EVPLL: variants seen among roughly 807,000 people sequenced by gnomAD.
The protein encoded by EVPLL is envoplakin like, also known as envoplakin-like protein.
EVPLL carries 39 observed loss-of-function variants against 46.2 expected under a neutral mutation model. That is an observed-to-expected ratio of 0.84 (90% confidence interval 0.65 to 1.10). EVPLL has a LOEUF of 1.10. Ranked by LOEUF, EVPLL falls within the 50% of genes least tolerant of loss-of-function variation. The pLI is 0.00. For synonymous variants in EVPLL, 156 were observed against 165.8 expected (o/e 0.94, Z 0.46); for missense variants, 385 against 412.6 (o/e 0.93, Z 0.58).
At chr17:18,378,068 C>T (rs1387767630) in intron 1 of EVPLL, 85 bp downstream of exon 1, 2 of 441,862 alleles carry the variant, frequency 4.5e-6, no homozygotes, top group African/African-American at 2.1e-5. Context: ...TGGCGGCGGC[C>T]CAGAGCCCAG....
At chr17:18,386,605 G>A (rs542966155) in intron 9 of EVPLL, 4 of 152,060 alleles carry the variant, frequency 2.6e-5, no homozygotes, top group African/African-American at 9.7e-5. Context: ...TTCTTATAAC[G>A]GTGGACACAA....
Position 18,381,387 on chromosome 17 carries a change from G to A in EVPLL, c.84G>A (p.Gln28=). 4 of 1,581,618 alleles carry A rather than the reference G, an allele frequency of 2.5e-6. No homozygotes were observed. The highest frequency in any genetic ancestry group is 3.4e-6 in the Non-Finnish European group (4 of 1,164,976). ...RLQQDRLNSE[Q]SQALQHQQET... is the part of the protein sequence containing the mutation. The stretch of plus-strand genomic sequence containing the variant: ...CACAGGACCGGCTGAACAGTGAGCA[G>A]AGCCAGGCCCTGCAGCACCAGCAGG... The change falls in exon 3 of 11, where the codon CAG becomes CAA. Residue 28 remains glutamine, a synonymous_variant. Coordinates refer to ENST00000399134, the MANE Select transcript of EVPLL (RefSeq NM_001145127.2). This position sits in a 1 kb window ranked among gnomAD's most constrained non-coding sequence, Gnocchi z 4.2.
At chr17:18,378,031 G>A in intron 1 of EVPLL, 48 bp downstream of exon 1, 1 of 573,284 alleles carries the variant, frequency 1.7e-6, no homozygotes, top group Non-Finnish European at 2.8e-6. Context: ...GGTGGGGGTG[G>A]TGCCAGGCCC....
At chr17:18,380,628 G>A in intron 1 of EVPLL, 1 of 321,226 alleles carries the variant, frequency 3.1e-6, no homozygotes, top group South Asian at 6.7e-5. Flanking sequence ...TGCCAGCACA[G>A]CTGGCTGAGG....
At chr17:18,385,189 A>G (rs1420952735) in intron 9 of EVPLL, among the ~76,000 whole-genome samples, 1 of 139,890 alleles carries the variant, frequency 7.1e-6, no homozygotes, top group African/African-American at 2.7e-5. Flanking sequence ...GCAGCCCCTG[A>G]GAGTCCTTCC....
At position 18,383,252 on chromosome 17, in the gene EVPLL, C is replaced by G. The variant is rs1171600073; in HGVS notation, c.673-19C>G. The G allele has an allele frequency of 1.9e-5, 29 of 1,564,796 alleles. No individual in the cohort carries two copies. The highest frequency in any genetic ancestry group is 2.4e-5 in the Non-Finnish European group (28 of 1,157,998). On this transcript the variant is annotated intron_variant, in intron 7 of 10. Transcript: ENST00000399134. Reference sequence around the variant, plus strand: ...CCATCCTGGTCCTCACCGCCGCTCCCCACCCGACTCGCCCCCAGCACTTCA... The same window carrying G: ...CCATCCTGGTCCTCACCGCCGCTCCGCACCCGACTCGCCCCCAGCACTTCA...
chr17:18,384,190 G>A lies in EVPLL; in HGVS notation c.876+603G>A, dbSNP rs559589464. Among the ~76,000 whole-genome samples, 17 of 152,256 alleles carry A rather than the reference G, an allele frequency of 1.1e-4. 1 individual carries two copies. The South Asian group carries it at 3.5e-3, about 32-fold the overall frequency. The stretch of plus-strand genomic sequence containing the variant: ...TGGTATAAATATTTCATGGGGGCCA[G>A]GTGTGGTGGCTCACACCTGTAATTC... On this transcript the variant is annotated intron_variant, in intron 9 of 10. Transcript: ENST00000399134.
rs1567813067 is a variant in EVPLL at position 18,385,767 on chromosome 17, A to C, written c.876+2180A>C. On this transcript the variant is annotated intron_variant, in intron 9 of 10. Coordinates refer to ENST00000399134, the MANE Select transcript of EVPLL (RefSeq NM_001145127.2). ...CATTTTTATTAGCATTTAAACCTGT[A>C]TCTTGAGTAGCATATAAACTTTAAG... Among the ~76,000 whole-genome samples, 3 of 152,238 alleles carry C rather than the reference A, an allele frequency of 2.0e-5. No individual in the cohort carries two copies. The South Asian group carries it at 6.2e-4, about 31-fold the overall frequency.
Position 18,381,995 on chromosome 17 carries a change from C to T in EVPLL, c.346+265C>T. 1 of 527,588 alleles carries T rather than the reference C, an allele frequency of 1.9e-6. No homozygotes were observed. Among genetic ancestry groups the T allele is most frequent in the Non-Finnish European group, 3.4e-6 (1 of 298,208 alleles). The allele number at this position is 527,588 out of a possible 1,614,324, so 32.7% of individuals were successfully genotyped here. On this transcript the variant is annotated intron_variant, in intron 4 of 10. Coordinates refer to ENST00000399134, the MANE Select transcript of EVPLL (RefSeq NM_001145127.2). The surrounding 1 kb of genome is among the most constrained non-coding windows in gnomAD (Gnocchi z 4.2). ...CAATTCCAGAAAGAAGGAGCAAAGG[C>T]ACCTGCCAGGAGGAAGCCTAGGATT...
chr17:18,380,833 A>T lies in EVPLL; in HGVS notation c.-36-69A>T, dbSNP rs1451802779. ...GGATGGGGTGGAGAGAGGGCAGGGG[A>T]CGCCACCTGGATGGGGCACAGAGGG... On this transcript the variant is annotated intron_variant, in intron 1 of 10. Transcript: ENST00000399134. 6.7e-6 allele frequency: 9 copies of T among 1,337,680 alleles called. No homozygotes were observed. In the African/African-American group the frequency reaches 1.3e-4, roughly 19 times the overall value. 82.9% of individuals were successfully genotyped at this position (1,337,680 alleles called of 1,614,324 possible).
At chr17:18,379,087 A>G (rs887793990) in intron 1 of EVPLL, among the ~76,000 whole-genome samples, 3 of 152,188 alleles carry the variant, frequency 2.0e-5, no homozygotes, top group Non-Finnish European at 4.4e-5. Context: ...CTGTTAAAAC[A>G]AAACAGAATA....
chr17:18,381,618 C>G lies in EVPLL; in HGVS notation c.234C>G (p.His78Gln). ...TTCTTGACAGCATCGAGCAGCTGCA[C>G]GAGCGGGTGACCCAGGAGTGTGCGG... is the stretch of plus-strand genomic sequence containing the variant. ...EETEKDIEQLHERVTQECAEY... is the reference protein window; with the variant it reads ...EETEKDIEQLQERVTQECAEY... The change falls in exon 4 of 11, where the codon CAC becomes CAG. Residue 78 changes from histidine (H) to glutamine (Q), a missense_variant. Transcript: ENST00000399134. This position sits in a 1 kb window ranked among gnomAD's most constrained non-coding sequence, Gnocchi z 4.2. The G allele has an allele frequency of 6.2e-7, 1 of 1,614,122 alleles. No homozygotes were observed. Among genetic ancestry groups the G allele is most frequent in the Admixed American group, 1.7e-5 (1 of 60,024 alleles).
rs1447399955 is a variant in EVPLL at position 18,380,536 on chromosome 17, C to T, written c.-36-366C>T. The T allele has an allele frequency of 3.0e-5, 6 of 198,746 alleles. No homozygotes were observed. The East Asian group carries it at 7.8e-4, about 26-fold the overall frequency. 12.3% of individuals were successfully genotyped at this position (198,746 alleles called of 1,614,324 possible). On this transcript the variant is annotated intron_variant, in intron 1 of 10. Transcript: ENST00000399134. ...GCCCCAGCCAGCCCAACTGCCCCTCCCAGGGCCCAGCCAGGCTGGCTCAGG... is the reference window on the plus strand; with the variant it reads ...GCCCCAGCCAGCCCAACTGCCCCTCTCAGGGCCCAGCCAGGCTGGCTCAGG...
At chr17:18,378,437 G>T (rs1259167341) in intron 1 of EVPLL, among the ~76,000 whole-genome samples, 1 of 152,110 alleles carries the variant, frequency 6.6e-6, no homozygotes, top group East Asian at 1.9e-4. Context: ...CCTGGGGTAG[G>T]GATGCAGGGG....
chr17:18,381,843 T>C lies in EVPLL; in HGVS notation c.346+113T>C. The C allele has an allele frequency of 6.5e-7, 1 of 1,530,448 alleles. No homozygotes were observed. 94.8% of individuals were successfully genotyped at this position (1,530,448 alleles called of 1,614,324 possible). ...TCAGTGTATAGTGGTGTCTCAGGGG[T>C]CTGGGCAGGGAGACAGCAGAGGAGA... On this transcript the variant is annotated intron_variant, in intron 4 of 10. Coordinates refer to ENST00000399134, the MANE Select transcript of EVPLL (RefSeq NM_001145127.2). This position sits in a 1 kb window ranked among gnomAD's most constrained non-coding sequence, Gnocchi z 4.2.
At chr17:18,382,345 C>A in intron 4 of EVPLL, 168 bp from the exon 5 acceptor site, 1 of 822,416 alleles carries the variant, frequency 1.2e-6, no homozygotes, top group Non-Finnish European at 1.8e-6. Flanking sequence ...CCCTGCAGAG[C>A]AGAATGGCTC....
chr17:18,379,161 C>G (rs1012741784), intron 1 of EVPLL, among the ~76,000 whole-genome samples: 1 of 152,152 alleles, frequency 6.6e-6, no homozygotes, highest in African/African-American at 2.4e-5. Flanking sequence ...TTGGACCACC[C>G]GGTTCTCTGG....
intron 9 of EVPLL, among the ~76,000 whole-genome samples, chr17:18,384,963 A>G (rs569004049): frequency 1.3e-3 from 145 of 114,964 alleles, no homozygotes; most frequent in African/African-American, 5.1e-3. Context: ...GAGGGAGAGG[A>G]GGATGGAGAG....
chr17:18,380,862 T>C (rs987354910), intron 1 of EVPLL, 40 bp from the exon 2 acceptor site: 1 of 1,516,114 alleles, frequency 6.6e-7, no homozygotes, highest in African/African-American at 1.4e-5. Context: ...CAGAGGGGCC[T>C]CTTCCACCGA....
Sources: gnomAD v4.1 joint callset for allele counts (sites outside exome capture counted in the v4.1 genomes callset) on GRCh38, gnomAD v4.1.1 for gene constraint, Gnocchi (gnomAD v3.1) non-coding constraint, MANE v1.5 for transcripts, NCBI Gene and HGNC (gene_info 2026-07-23, HGNC 2026-07-21) for gene names.